SLC52A1: variants seen among roughly 807,000 people sequenced by gnomAD.
The protein encoded by SLC52A1 is solute carrier family 52 member 1, also known as solute carrier family 52, riboflavin transporter, member 1.
A neutral mutation model predicts 23.2 loss-of-function variants in SLC52A1; 20 were observed. The observed-to-expected ratio is 0.86, with a 90% CI of 0.61 to 1.25. The LOEUF (loss-of-function observed/expected upper bound fraction) is 1.25, where lower values mean the gene tolerates loss of function less well. Ranked by LOEUF, SLC52A1 falls within the 50% of genes most tolerant of loss-of-function variation. SLC52A1 has a pLI of 0.00. For missense variants in SLC52A1, 528 were observed against 557.0 expected, an observed-to-expected ratio of 0.95 and a Z score of 0.52; for synonymous variants, 260 against 256.6, an observed-to-expected ratio of 1.01 and a Z score of -0.13.
At chr17:5,038,511 T>C (rs888266012), upstream of SLC52A1, among the ~76,000 whole-genome samples, 1 of 152,132 alleles carries the variant, frequency 6.6e-6, no homozygotes, top group African/African-American at 2.4e-5. Context: ...TCACATTTAG[T>C]TTCCCACAGT....
upstream of SLC52A1, among the ~76,000 whole-genome samples, chr17:5,035,852 G>A (rs1482028501): frequency 2.1e-5 from 3 of 144,344 alleles, no homozygotes; most frequent in African/African-American, 7.8e-5. Context: ...GACCACAGGC[G>A]AGCATCACCA....
At position 5,034,559 on chromosome 17, in the gene SLC52A1, CA is replaced by C; in HGVS notation, c.47del (p.Val16GlyfsTer12). 1 of 1,614,242 alleles carries C rather than the reference CA, an allele frequency of 6.2e-7. No homozygotes were observed. Among genetic ancestry groups the C allele is most frequent in the Non-Finnish European group, 8.5e-7 (1 of 1,180,042 alleles). ...LGRLVLTHLLVALFGMGSWAA... is the reference protein window; with the variant it reads ...LGRLVLTHLLXALFGMGSWAA... Reference sequence around the variant, plus strand: ...CCCAGGAGCCCATGCCAAAAAGGGCCACCAGCAGGTGGGTCAGCACCAGACG... The same window carrying C: ...CCCAGGAGCCCATGCCAAAAAGGGCCCCAGCAGGTGGGTCAGCACCAGACG... On this transcript the variant is annotated frameshift_variant, in exon 2 of 5. Transcript: ENST00000254853. LOFTEE classifies it high-confidence loss of function.
In SLC52A1 at chr17:5,033,616, G is replaced by A. The variant is rs773114884; in HGVS notation, c.873C>T (p.Ala291=). 12 of 1,613,906 alleles carry A rather than the reference G, an allele frequency of 7.4e-6. No individual in the cohort carries two copies. The highest frequency in any genetic ancestry group is 1.3e-5 in the African/African-American group (1 of 74,956). ...CAGAAGGCAGCACGCCATTGGTCAC[G>A]GCACTGGTGAAGGCCATCAGGCCCA... The part of the protein sequence containing the change: ...FLLGLMAFTS[A]VTNGVLPSVQ... The change falls in exon 3 of 5, where the codon GCC becomes GCT. Residue 291 remains alanine, a synonymous_variant. Transcript: ENST00000254853.
intron 1 of SLC52A1, among the ~76,000 whole-genome samples, chr17:5,040,952 C>T (rs555418920): frequency 4.6e-5 from 7 of 151,494 alleles, no homozygotes; most frequent in East Asian, 3.9e-4. Flanking sequence ...CCTGCCACCA[C>T]GCCCAGCTAA....
At chr17:5,039,492 T>C (rs1975520073), upstream of SLC52A1, among the ~76,000 whole-genome samples, 1 of 151,876 alleles carries the variant, frequency 6.6e-6, no homozygotes, top group Non-Finnish European at 1.5e-5. Flanking sequence ...AATCAGTAAT[T>C]GACAATTTCT....
In SLC52A1 at chr17:5,033,045, A is replaced by G. The variant is rs1975350515; in HGVS notation, c.1259T>C (p.Leu420Pro). 2 of 1,613,604 alleles carry G rather than the reference A, an allele frequency of 1.2e-6. No individual in the cohort carries two copies. Among genetic ancestry groups the G allele is most frequent in the African/African-American group, 1.3e-5 (1 of 74,926 alleles). Residue 420 changes from leucine to proline, a missense_variant, in exon 5 of 5, where the codon CTG becomes CCG. Coordinates refer to ENST00000254853, the MANE Select transcript of SLC52A1 (RefSeq NM_017986.4). ...AAGVAIQVGSLLGAGAMFPPT... is the reference protein window; with the variant it reads ...AAGVAIQVGSPLGAGAMFPPT... ...AGGGAACATGGCACCGGCACCAAGC[A>G]GGGAGCCCACTTGGATGGCCACACC...
chr17:5,034,225 A>G lies in SLC52A1; in HGVS notation c.264T>C (p.Ser88=). 6.2e-7 allele frequency: 1 copy of G among 1,613,826 alleles called. No individual in the cohort carries two copies. The highest frequency in any genetic ancestry group is 1.3e-5 in the African/African-American group (1 of 75,008). ...GGGCCAGCAGGGCTGTGCCCACTAC[A>G]CTCAGCACCTGTACCACCTGGATGG... The part of the protein sequence containing the change: ...QVPIQVVQVL[S]VVGTALLAPL... The change falls in exon 3 of 5, where the codon AGT becomes AGC. Residue 88 remains serine (S), a synonymous_variant. Coordinates refer to ENST00000254853, the MANE Select transcript of SLC52A1 (RefSeq NM_017986.4).
intron 1 of SLC52A1, among the ~76,000 whole-genome samples, chr17:5,041,598 C>T (rs1026605047): frequency 1.3e-5 from 2 of 152,200 alleles, no homozygotes; most frequent in African/African-American, 4.8e-5. Flanking sequence ...CTGCCTCAGC[C>T]TCCCGAGTAG....
chr17:5,039,070 C>T (rs1214752620), upstream of SLC52A1, among the ~76,000 whole-genome samples: 1 of 151,936 alleles, frequency 6.6e-6, no homozygotes, highest in Non-Finnish European at 1.5e-5. Context: ...TGCCTGTAAT[C>T]CTAGCACTGT....
At position 5,032,959 on chromosome 17, in the gene SLC52A1, A is replaced by G; in HGVS notation, c.1345T>C (p.Ter449ArgextTer16). ...GTTGGGTCCCCACCTGCCCAGGCTC[A>G]GGGGCCACAGGGGTCTACACAGTCC... is the stretch of plus-strand genomic sequence containing the variant. ...RKDCVDPCGP[*>R] is the part of the protein sequence containing the mutation. The change falls in exon 5 of 5, where the codon TGA becomes CGA. Residue 449 changes from the stop codon to arginine, a stop_lost. Transcript: ENST00000254853. 6.2e-7 allele frequency: 1 copy of G among 1,610,348 alleles called. No homozygotes were observed. Among genetic ancestry groups the G allele is most frequent in the Non-Finnish European group, 8.5e-7 (1 of 1,177,220 alleles).
Position 5,034,199 on chromosome 17 carries a change from G to A in SLC52A1, c.290C>T (p.Pro97Leu), listed in dbSNP as rs778552257. 9.3e-6 allele frequency: 15 copies of A among 1,614,018 alleles called. No individual in the cohort carries two copies. In the African/African-American group the frequency reaches 1.5e-4, roughly 16 times the overall value. ...CACTGGGGCCACGTGGTGCCACAGA[G>A]GGGCCAGCAGGGCTGTGCCCACTAC... ...LSVVGTALLA[P>L]LWHHVAPVAG... Residue 97 changes from proline to leucine, a missense_variant, in exon 3 of 5, where the codon CCT becomes CTT. Pro to Leu is a moderately conservative substitution (Grantham distance 98). Coordinates refer to ENST00000254853, the MANE Select transcript of SLC52A1 (RefSeq NM_017986.4).
In SLC52A1 at chr17:5,032,847, T is replaced by C. The variant is rs1044448707; in HGVS notation, c.*110A>G. On this transcript the variant is annotated 3_prime_UTR_variant, in exon 5 of 5. Coordinates refer to ENST00000254853, the MANE Select transcript of SLC52A1 (RefSeq NM_017986.4). Reference sequence around the variant, plus strand: ...CTTCTGTGGAGTGTGCAGGTGTCCATGAGCGTTCCTGTGTTGGGGGAAGCC... The same window carrying C: ...CTTCTGTGGAGTGTGCAGGTGTCCACGAGCGTTCCTGTGTTGGGGGAAGCC... 37 of 979,952 alleles carry C rather than the reference T, an allele frequency of 3.8e-5. No individual in the cohort carries two copies. Among genetic ancestry groups the C allele is most frequent in the Non-Finnish European group, 5.4e-5 (35 of 652,874 alleles). 60.7% of individuals were successfully genotyped at this position (979,952 alleles called of 1,614,324 possible).
Position 5,033,723 on chromosome 17 carries a change from G to C in SLC52A1, c.766C>G (p.Pro256Ala), listed in dbSNP as rs980307175. The change falls in exon 3 of 5, where the codon CCA (proline) becomes GCA (alanine). Residue 256 changes from proline to alanine, a missense_variant. Coordinates refer to ENST00000254853, the MANE Select transcript of SLC52A1 (RefSeq NM_017986.4). ...ATGGTGCCTGCTGCCTGGCTCGGTGGCTCCTGCAATGGCAAAGCCTCTTCT... is the reference window on the plus strand; with the variant it reads ...ATGGTGCCTGCTGCCTGGCTCGGTGCCTCCTGCAATGGCAAAGCCTCTTCT... ...EEEEALPLQE[P>A]PSQAAGTIPG... 1 of 1,614,082 alleles carries C rather than the reference G, an allele frequency of 6.2e-7. No individual in the cohort carries two copies. The highest frequency in any genetic ancestry group is 8.5e-7 in the Non-Finnish European group (1 of 1,180,042).
At position 5,041,463 on chromosome 17, in the gene SLC52A1, CTTT is replaced by C. The variant is rs957407206; in HGVS notation, c.-107-6753_-107-6751del. Among the ~76,000 whole-genome samples the C allele has an allele frequency of 7.8e-4, 115 of 146,824 alleles. 2 individuals are homozygous for C. The highest frequency in any genetic ancestry group is 2.7e-3 in the African/African-American group (109 of 39,690). On this transcript the variant is annotated intron_variant, in intron 1 of 3. Transcript: ENST00000512825. ...ATGCCCAGCGAATTTTTTTTTGTTT[CTTT>C]GTTTTGTTTTATTTTGTTTTGTTTT...
chr17:5,033,148 G>A lies in SLC52A1; in HGVS notation c.1156C>T (p.Leu386=). 6.2e-7 allele frequency: 1 copy of A among 1,613,930 alleles called. No individual in the cohort carries two copies. The highest frequency in any genetic ancestry group is 8.5e-7 in the Non-Finnish European group (1 of 1,180,032). ...VLVVLSWVLC[L]CVFSYVKVAA... ...ACCTTCACATATGAGAACACACACA[G>A]ACACAGCACCCACGACAGCACCTGC... Residue 386 remains leucine (L), a synonymous_variant, in exon 5 of 5, where the codon CTG becomes TTG. Coordinates refer to ENST00000254853, the MANE Select transcript of SLC52A1 (RefSeq NM_017986.4).
rs1975431670 is a variant in SLC52A1, at chr17:5,035,314, A to G, written c.-561T>C. On this transcript the variant is annotated 5_prime_UTR_variant, in exon 1 of 5. Coordinates refer to ENST00000254853, the MANE Select transcript of SLC52A1 (RefSeq NM_017986.4). ...CAGAACGAGATTCGGTCTCAAAAAC[A>G]AAACAAAACAAAACAAAACAAAAAA... 6.6e-6 allele frequency: 1 copy of G among 151,808 alleles called. No homozygotes were observed. The highest frequency in any genetic ancestry group is 1.5e-5 in the Non-Finnish European group (1 of 68,264). 9.4% of individuals were successfully genotyped at this position (151,808 alleles called of 1,614,324 possible). A position where few individuals can be genotyped will look rare whatever the true frequency, so the allele number is the denominator to read the frequency against.
intron 2 of SLC52A1, 43 bp downstream of exon 2, chr17:5,034,434 G>T: frequency 1.9e-6 from 3 of 1,612,480 alleles, no homozygotes; most frequent in Non-Finnish European, 2.5e-6. Flanking sequence ...CACCTTTCTG[G>T]GCATACCTGC....
In SLC52A1 at chr17:5,033,718, C is replaced by T. The variant is rs200049864; in HGVS notation, c.771G>A (p.Pro257=). ...EEEALPLQEP[P]SQAAGTIPGP... Reference sequence around the variant, plus strand: ...CAGGGATGGTGCCTGCTGCCTGGCTCGGTGGCTCCTGCAATGGCAAAGCCT... The same window carrying T: ...CAGGGATGGTGCCTGCTGCCTGGCTTGGTGGCTCCTGCAATGGCAAAGCCT... Residue 257 remains proline (P), a synonymous_variant, in exon 3 of 5, where the codon CCG becomes CCA. Transcript: ENST00000254853. The T allele has an allele frequency of 5.0e-6, 8 of 1,614,088 alleles. No homozygotes were observed. Among genetic ancestry groups the T allele is most frequent in the East Asian group, 4.5e-5 (2 of 44,890 alleles).
Position 5,034,034 on chromosome 17 carries a change from C to T in SLC52A1, c.455G>A (p.Gly152Asp), listed in dbSNP as rs1447789026. The T allele has an allele frequency of 2.5e-6, 4 of 1,613,946 alleles. No homozygotes were observed. Among genetic ancestry groups the T allele is most frequent in the Non-Finnish European group, 3.4e-6 (4 of 1,179,990 alleles). ...CACACAGGGGAGTAGGGCACTGAGACCCTGACCCAGGAAGAAAGACCGTAA... is the reference window on the plus strand; with the variant it reads ...CACACAGGGGAGTAGGGCACTGAGATCCTGACCCAGGAAGAAAGACCGTAA... ...PFLRSFFLGQ[G>D]LSALLPCVLA... Residue 152 changes from glycine (G) to aspartate (D), a missense_variant, in exon 3 of 5, where the codon GGT becomes GAT. Transcript: ENST00000254853.
Sources: gnomAD v4.1 joint callset for allele counts (sites outside exome capture counted in the v4.1 genomes callset) on GRCh38, gnomAD v4.1.1 for gene constraint, MANE v1.5 for transcripts, NCBI Gene and HGNC (gene_info 2026-07-23, HGNC 2026-07-21) for gene names.